Variants in PDE4D observed in about 807,000 individuals in gnomAD.
The protein encoded by PDE4D is 3',5'-cyclic-AMP phosphodiesterase 4D.
PDE4D carries 24 observed loss-of-function variants against 87.4 expected under a neutral mutation model. The observed-to-expected ratio is 0.27, with a 90% CI of 0.20 to 0.39. The LOEUF is 0.39. Ranked by LOEUF, PDE4D falls within the 10% of genes least tolerant of loss-of-function variation. The pLI, the probability that PDE4D is intolerant of heterozygous loss-of-function variation, is 1.00. For missense variants in PDE4D, 714 were observed against 1,041.0 expected, an observed-to-expected ratio of 0.69 and a Z score of 4.32; for synonymous variants, 384 against 383.2, an observed-to-expected ratio of 1.00 and a Z score of -0.02.
chr5:60,468,110 T>A (rs1416543114), intron 1 of PDE4D, among the ~76,000 whole-genome samples: 1 of 150,658 alleles, frequency 6.6e-6, no homozygotes, highest in East Asian at 2.0e-4. Flanking sequence ...TCATCTCTAA[T>A]ACACATCCTA....
chr5:59,053,649 T>TTC (rs1761902724), intron 5 of PDE4D, among the ~76,000 whole-genome samples: 1 of 73,498 alleles, frequency 1.4e-5, no homozygotes, highest in East Asian at 5.3e-4. Flanking sequence ...TTTTTTGTTT[T>TTC]TTTTTGTTGT....
intron 3 of PDE4D, among the ~76,000 whole-genome samples, chr5:59,960,281 A>G (rs1759319500): frequency 1.3e-5 from 2 of 152,264 alleles, no homozygotes; most frequent in East Asian, 1.9e-4. Flanking sequence ...CCTGTGGAAA[A>G]CAGTTTGGAG....
intron 1 of PDE4D, among the ~76,000 whole-genome samples, chr5:60,261,331 G>A (rs1035319560): frequency 6.6e-6 from 1 of 151,940 alleles, no homozygotes; most frequent in East Asian, 1.9e-4. Context: ...ATTTTCCTAC[G>A]CCAAATCAGA....
rs530789361 is a variant in PDE4D, at chr5:60,058,175, G to GAGC, written c.43-69461_43-69459dup. Among the ~76,000 whole-genome samples, 92 of 152,010 alleles carry GAGC rather than the reference G, an allele frequency of 6.1e-4. 1 individual carries two copies. In the South Asian group the frequency reaches 0.018, roughly 30 times the overall value. ...ATATAACTTAAGTTTTGAGCATTTT[G>GAGC]AGCTATTTTGATTAATCTCACTCCT... is the stretch of plus-strand genomic sequence containing the variant. On this transcript the variant is annotated intron_variant, in intron 2 of 16. Coordinates refer to the PDE4D transcript ENST00000502484.
At chr5:59,938,322 G>A (rs369355038) in intron 3 of PDE4D, among the ~76,000 whole-genome samples, 58 of 152,168 alleles carry the variant, frequency 3.8e-4, no homozygotes, top group African/African-American at 1.3e-3. Flanking sequence ...ACACTTGCAG[G>A]GACACTGGTG....
At chr5:60,220,919 T>G (rs1484569299) in intron 1 of PDE4D, among the ~76,000 whole-genome samples, 4 of 152,150 alleles carry the variant, frequency 2.6e-5, no homozygotes, top group African/African-American at 7.2e-5. Flanking sequence ...GTGAAACATA[T>G]TCTTTGATCT....
chr5:58,972,243 TTAAAA>T lies in PDE4D; in HGVS notation c.*2416_*2420del, dbSNP rs1742731062. The T allele has an allele frequency of 1.3e-5, 2 of 152,652 alleles. No homozygotes were observed. Among genetic ancestry groups the T allele is most frequent in the South Asian group, 4.1e-4 (2 of 4,820 alleles). 9.5% of individuals were successfully genotyped at this position (152,652 alleles called of 1,614,324 possible). On this transcript the variant is annotated 3_prime_UTR_variant, in exon 15 of 15. Coordinates refer to ENST00000340635, the MANE Select transcript of PDE4D (RefSeq NM_001104631.2). ...AGACTTCACTCAGGGACAAATAAAA[TTAAAA>T]GAAACAAGTTCCCAAATATTCTTGT... is the stretch of plus-strand genomic sequence containing the variant.
chr5:59,637,446 G>A (rs560904108), intron 1 of PDE4D, among the ~76,000 whole-genome samples: 3 of 152,014 alleles, frequency 2.0e-5, no homozygotes, highest in Non-Finnish European at 4.4e-5. Flanking sequence ...ACACATGCAC[G>A]TGTATGTTTA....
In PDE4D at chr5:59,697,008, A is replaced by G. The variant is rs1421401; in HGVS notation, c.455+196160T>C. Among the ~76,000 whole-genome samples the G allele has an allele frequency of 7.1e-3, 1,078 of 152,336 alleles. 15 individuals carry two copies. The highest frequency in any genetic ancestry group is 0.024 in the African/African-American group (987 of 41,578). Reference sequence around the variant, plus strand: ...CTAGAAAATAAATTCAAGGAAGAGTACTTTCTGATCATGGTAATGAAACTG... The same window carrying G: ...CTAGAAAATAAATTCAAGGAAGAGTGCTTTCTGATCATGGTAATGAAACTG... On this transcript the variant is annotated intron_variant, in intron 1 of 14. Coordinates refer to ENST00000340635, the MANE Select transcript of PDE4D (RefSeq NM_001104631.2).
intron 1 of PDE4D, among the ~76,000 whole-genome samples, chr5:60,474,671 A>G (rs1465787676): frequency 5.3e-5 from 8 of 152,168 alleles, no homozygotes; most frequent in Non-Finnish European, 2.9e-5. Context: ...TCTGGCAATG[A>G]GCTTCACTAA....
chr5:59,171,374 C>A (rs1782739325), intron 5 of PDE4D, among the ~76,000 whole-genome samples: 1 of 152,212 alleles, frequency 6.6e-6, no homozygotes, highest in Admixed American at 6.5e-5. Context: ...ATGGGGCTGC[C>A]CCTAGTCTTT....
chr5:60,444,585 G>C (rs988192699), intron 1 of PDE4D, among the ~76,000 whole-genome samples: 1 of 152,100 alleles, frequency 6.6e-6, no homozygotes, highest in Non-Finnish European at 1.5e-5. Flanking sequence ...TTTGATTGTT[G>C]TTTGAAGGAC....
At chr5:59,189,216 T>C (rs547181566) in intron 3 of PDE4D, among the ~76,000 whole-genome samples, 217 of 151,082 alleles carry the variant, frequency 1.4e-3, no homozygotes, top group African/African-American at 5.2e-3. Flanking sequence ...TAAAGAGATG[T>C]AGTTGTTCCT....
intron 11 of PDE4D, among the ~76,000 whole-genome samples, chr5:58,981,130 A>G (rs1745033680): frequency 6.6e-6 from 1 of 151,604 alleles, no homozygotes; most frequent in Non-Finnish European, 1.5e-5. Context: ...TTCCAGGAAC[A>G]CTCTCACAGA....
chr5:60,284,059 G>T (rs993462792), intron 1 of PDE4D, among the ~76,000 whole-genome samples: 1 of 152,120 alleles, frequency 6.6e-6, no homozygotes, highest in African/African-American at 2.4e-5. Flanking sequence ...CCAACTAATT[G>T]ATATGGTAAA....
intron 1 of PDE4D, among the ~76,000 whole-genome samples, chr5:59,715,538 C>T (rs927447085): frequency 1.3e-5 from 2 of 152,162 alleles, no homozygotes; most frequent in Non-Finnish European, 2.9e-5. Context: ...GAAGTCAGAG[C>T]AATATGAATG....
chr5:59,166,131 G>T (rs1319142391), intron 5 of PDE4D: 1 of 152,148 alleles, frequency 6.6e-6, no homozygotes, highest in South Asian at 2.1e-4. Context: ...TGCAAGCAAA[G>T]GATCATTGCT....
intron 1 of PDE4D, among the ~76,000 whole-genome samples, chr5:59,599,039 G>A (rs1475963496): frequency 6.6e-6 from 1 of 152,100 alleles, no homozygotes; most frequent in Admixed American, 6.6e-5. Flanking sequence ...AAGATCAGAA[G>A]CATATTTGCT....
rs1803281522 is a variant in PDE4D, at chr5:59,476,269, G to T, written c.456-260301C>A. Among the ~76,000 whole-genome samples, 4 of 152,150 alleles carry T rather than the reference G, an allele frequency of 2.6e-5. No individual in the cohort carries two copies. The South Asian group carries it at 8.3e-4, about 32-fold the overall frequency. On this transcript the variant is annotated intron_variant, in intron 1 of 14. Transcript: ENST00000340635. Reference sequence around the variant, plus strand: ...TGTGATGTGGTGGGAGGGGACTGGGGTATGGTACCAGGGACTTCTGGGAGA... The same window carrying T: ...TGTGATGTGGTGGGAGGGGACTGGGTTATGGTACCAGGGACTTCTGGGAGA...
Sources: allele counts gnomAD v4.1 joint callset (sites outside exome capture counted in the v4.1 genomes callset), GRCh38; gene constraint gnomAD v4.1.1; transcripts MANE v1.5; gene names NCBI Gene and HGNC (gene_info 2026-07-23, HGNC 2026-07-21).